Variants in DHODH observed in about 807,000 individuals in gnomAD.
DHODH encodes the protein dihydroorotate dehydrogenase (quinone), mitochondrial.
In DHODH, 30 loss-of-function variants were observed where a neutral mutation model predicts 39.7. That is an observed-to-expected ratio of 0.76 (90% CI 0.57 to 1.02). The LOEUF (loss-of-function observed/expected upper bound fraction) is 1.02. DHODH is among the 50% of genes least tolerant of loss of function. The pLI is 0.00. For synonymous variants in DHODH, 222 were observed against 213.8 expected, an observed-to-expected ratio of 1.04 and a Z score of -0.34; for missense variants, 531 against 520.8, an observed-to-expected ratio of 1.02 and a Z score of -0.19.
At chr16:72,020,768 G>A (rs1196837566) in intron 4 of DHODH, among the ~76,000 whole-genome samples, 3 of 152,278 alleles carry the variant, frequency 2.0e-5, no homozygotes, top group African/African-American at 7.2e-5. Flanking sequence ...CGGGCCTGAT[G>A]TGCCTACTGA....
In DHODH at chr16:72,026,031, T is replaced by A. The variant is rs542476911; in HGVS notation, c.*1832T>A. 2.6e-5 allele frequency: 4 copies of A among 152,314 alleles called. No homozygotes were observed. Among genetic ancestry groups the A allele is most frequent in the Non-Finnish European group, 5.9e-5 (4 of 68,096 alleles). 9.4% of individuals were successfully genotyped at this position (152,314 alleles called of 1,614,324 possible). On this transcript the variant is annotated 3_prime_UTR_variant, in exon 9 of 9. Transcript: ENST00000219240. ...CTGCTCTAAAAGCCGGCTCATTGCC[T>A]TCTGCTTCTCCGGATTCGTTCCTTA... is the stretch of plus-strand genomic sequence containing the variant.
rs71153696 is a variant in DHODH, at chr16:72,017,770, C to CTTTTTT, written c.517+677_517+682dup. On this transcript the variant is annotated intron_variant, in intron 4 of 8. Transcript: ENST00000219240. ...CTCTAAAAAAACCAAAAACAACATG[C>CTTTTTT]TTTTTTTTTTTTTTTTTTGAGACGG... 1.3e-4 allele frequency among the ~76,000 whole-genome samples: 13 copies of CTTTTTT among 103,790 alleles called. 1 individual carries two copies. Among genetic ancestry groups the CTTTTTT allele is most frequent in the East Asian group, 7.3e-4 (3 of 4,110 alleles). 68.1% of individuals were successfully genotyped at this position (103,790 alleles called of 152,430 possible). A position where few individuals can be genotyped will look rare whatever the true frequency, so the allele number is the denominator to read the frequency against.
At chr16:72,015,995 C>T (rs1370650911) in intron 3 of DHODH, 1 of 545,840 alleles carries the variant, frequency 1.8e-6, no homozygotes, top group Non-Finnish European at 2.3e-6. Flanking sequence ...ATATTATTTT[C>T]TTCTCATAAC....
intron 6 of DHODH, 70 bp from the exon 7 acceptor site, chr16:72,023,095 A>G: frequency 6.4e-7 from 1 of 1,571,902 alleles, no homozygotes; most frequent in Non-Finnish European, 8.7e-7. Flanking sequence ...GCTGCCTTCG[A>G]CCTCCAGAGA....
At chr16:72,022,093 C>CA (rs57957042) in intron 5 of DHODH, among the ~76,000 whole-genome samples, 5,960 of 85,804 alleles carry the variant, frequency 0.069, 337 homozygotes, top group African/African-American at 0.18. Context: ...GACCTTGTCT[C>CA]AAAAAAAAAA....
Position 72,021,230 on chromosome 16 carries a change from G to C in DHODH, c.624G>C (p.Leu208=), listed in dbSNP as rs750190054. Residue 208 remains leucine (L), a synonymous_variant, in exon 5 of 9, where the codon CTG becomes CTC. Coordinates refer to ENST00000219240, the MANE Select transcript of DHODH (RefSeq NM_001361.5). ...TACTGGGCCCCCTGGCCGACTACCT[G>C]GTGGTGAATGTGTCCAGCCCCAACA... The part of the protein sequence containing the change: ...VRVLGPLADY[L]VVNVSSPNTA... The C allele has an allele frequency of 1.6e-5, 26 of 1,612,778 alleles. No homozygotes were observed. Among genetic ancestry groups the C allele is most frequent in the Admixed American group, 8.4e-5 (5 of 59,866 alleles).
intron 3 of DHODH, 130 bp from the exon 4 acceptor site, chr16:72,016,894 G>A (rs1392745350): frequency 2.5e-6 from 2 of 808,376 alleles, no homozygotes; most frequent in Non-Finnish European, 4.2e-6. Context: ...TCCCAGTGGT[G>A]TTTAGACCCT....
At chr16:72,011,120 G>A (rs2041076951) in intron 1 of DHODH, among the ~76,000 whole-genome samples, 1 of 152,170 alleles carries the variant, frequency 6.6e-6, no homozygotes, top group Admixed American at 6.5e-5. Context: ...AAAATTACAT[G>A]TATTTCAGTA....
chr16:72,013,396 G>C (rs1424960870), intron 2 of DHODH, among the ~76,000 whole-genome samples: 1 of 152,178 alleles, frequency 6.6e-6, no homozygotes, highest in East Asian at 1.9e-4. Flanking sequence ...GGTGCAAGCT[G>C]TGTCTGTATA....
intron 4 of DHODH, among the ~76,000 whole-genome samples, chr16:72,018,741 G>A (rs565529331): frequency 6.6e-6 from 1 of 152,236 alleles, no homozygotes; most frequent in South Asian, 2.1e-4. Flanking sequence ...CAAAAGCTTT[G>A]GTGCCCTCTG....
At chr16:72,022,798 C>T (rs890827723) in intron 6 of DHODH, among the ~76,000 whole-genome samples, 8 of 152,280 alleles carry the variant, frequency 5.3e-5, no homozygotes, top group South Asian at 2.1e-4. Context: ...GTCTGGACAG[C>T]GGGTCTCTGT....
At chr16:72,014,760 T>C in intron 3 of DHODH, 88 bp downstream of exon 3, 2 of 1,297,014 alleles carry the variant, frequency 1.5e-6, no homozygotes, top group South Asian at 2.5e-5. Flanking sequence ...GTTTTTTTTC[T>C]CTCATACAAT....
At chr16:72,010,758 C>A (rs1307695688) in intron 1 of DHODH, among the ~76,000 whole-genome samples, 2 of 152,180 alleles carry the variant, frequency 1.3e-5, no homozygotes, top group Non-Finnish European at 2.9e-5. Context: ...TTGAGAGAGT[C>A]TGACTCTGTC....
chr16:72,008,924 G>T, intron 1 of DHODH, 139 bp downstream of exon 1: 1 of 1,534,416 alleles, frequency 6.5e-7, no homozygotes, highest in South Asian at 1.2e-5. Context: ...GTGTTTCCGG[G>T]GTCTCCTGCA....
rs1336107052 is a variant in DHODH, at chr16:72,025,438, T to C, written c.*1239T>C. 1 of 152,272 alleles carries C rather than the reference T, an allele frequency of 6.6e-6. No homozygotes were observed. The highest frequency in any genetic ancestry group is 2.4e-5 in the African/African-American group (1 of 41,456). The allele number at this position is 152,272 out of a possible 1,614,324, so 9.4% of individuals were successfully genotyped here. On this transcript the variant is annotated 3_prime_UTR_variant, in exon 9 of 9. Transcript: ENST00000219240. ...ATTTACTTTCTTCACTATTCTTATGTGGCATGGTTCATGCTGGGCCTCGGT... is the reference window on the plus strand; with the variant it reads ...ATTTACTTTCTTCACTATTCTTATGCGGCATGGTTCATGCTGGGCCTCGGT...
chr16:72,016,354 A>G, intron 3 of DHODH: 1 of 156,814 alleles, frequency 6.4e-6, no homozygotes, highest in Non-Finnish European at 1.4e-5. Context: ...CAAAACCCAC[A>G]GTGGGGCTGG....
At chr16:72,023,690 A>C (rs946967613) in intron 8 of DHODH, 57 bp downstream of exon 8, 2 of 1,602,918 alleles carry the variant, frequency 1.2e-6, no homozygotes, top group African/African-American at 2.7e-5. Flanking sequence ...CATTTAGATC[A>C]CTCAAGTCAA....
At chr16:72,015,190 G>A (rs1288331135) in intron 3 of DHODH, among the ~76,000 whole-genome samples, 1 of 152,168 alleles carries the variant, frequency 6.6e-6, no homozygotes. Flanking sequence ...ACCATAAAAA[G>A]TATTAATTCG....
At chr16:72,015,891 GAA>G in intron 3 of DHODH, 1 of 984,864 alleles carries the variant, frequency 1.0e-6, no homozygotes, top group African/African-American at 1.7e-5. Flanking sequence ...ATGAATGGGT[GAA>G]GTTATGAAGT....
Sources: gnomAD v4.1 joint callset for allele counts (sites outside exome capture counted in the v4.1 genomes callset) on GRCh38, gnomAD v4.1.1 for gene constraint, MANE v1.5 for transcripts, NCBI Gene and HGNC (gene_info 2026-07-23, HGNC 2026-07-21) for gene names.